Variants in LAS1L observed in about 807,000 individuals in gnomAD.
LAS1L encodes LAS1 like ribosome biogenesis factor.
Under a neutral mutation model 57.3 loss-of-function variants are expected in LAS1L, and 5 were observed. The ratio of observed to expected loss-of-function variants is 0.09; its 90% CI spans 0.05 to 0.18. The LOEUF (loss-of-function observed/expected upper bound fraction) is 0.18, where lower values mean the gene tolerates loss of function less well. Ranked by LOEUF, LAS1L falls within the 10% of genes least tolerant of loss-of-function variation. The probability of loss-of-function intolerance (pLI) is 1.00; values close to 1 mark genes in which losing one functional copy is unlikely to be tolerated. For synonymous variants in LAS1L, 245 were observed against 231.7 expected (o/e 1.06, Z -0.52); for missense variants, 360 against 568.3 (o/e 0.63, Z 3.73).
intron 11 of LAS1L, 78 bp downstream of exon 11, chrX:65,523,482 C>G: frequency 9.9e-7 from 1 of 1,014,495 alleles, no homozygotes; most frequent in Non-Finnish European, 1.3e-6. Flanking sequence ...GCCCTTCTAA[C>G]TCAGTCATTC....
chrX:65,533,803 T>C (rs2069630728), intron 1 of LAS1L, 68 bp from the exon 2 acceptor site: 1 of 1,120,189 alleles, frequency 8.9e-7, no homozygotes, highest in Admixed American at 2.3e-5. Context: ...CCTCAGAACC[T>C]AGGTTGTTGC....
intron 2 of LAS1L, among the ~76,000 whole-genome samples, chrX:65,532,955 T>TG (rs1304292389): frequency 8.9e-6 from 1 of 112,115 alleles, no homozygotes; most frequent in Non-Finnish European, 1.9e-5. Context: ...CATCAGATAA[T>TG]GGGGAGCACA....
chrX:65,515,090 G>T, intron 12 of LAS1L, 117 bp from the exon 13 acceptor site: 1 of 663,771 alleles, frequency 1.5e-6, no homozygotes, highest in Non-Finnish European at 2.2e-6. Flanking sequence ...GGCTCTCTCA[G>T]GATCTCCAGC....
intron 12 of LAS1L, 89 bp from the exon 13 acceptor site, chrX:65,515,062 C>T (rs1569432287): frequency 1.1e-5 from 10 of 929,127 alleles, no homozygotes; most frequent in Non-Finnish European, 1.3e-5. Flanking sequence ...CATCCACCCA[C>T]CCCACTTAGC....
rs1370279567 is a variant in LAS1L, at chrX:65,529,698, T to C, written c.695A>G (p.Asp232Gly). 3 of 1,210,018 alleles carry C rather than the reference T, an allele frequency of 2.5e-6. No individual in the cohort carries two copies. Among genetic ancestry groups the C allele is most frequent in the Non-Finnish European group, 3.4e-6 (3 of 895,161 alleles). The change falls in exon 5 of 14, where the codon GAT becomes GGT. Residue 232 changes from aspartate (D) to glycine (G), a missense_variant. Transcript: ENST00000374811. Reference protein sequence around the residue: ...ITEQKPEPQDDGKSTESDVKA... With the variant: ...ITEQKPEPQDGGKSTESDVKA... ...TACATCTGACTCCGTACTTTTCCCA[T>C]CATCCTGAGGCTCTGGTTTCTGTTC...
At position 65,529,664 on chromosome X, in the gene LAS1L, A is replaced by G. The variant is rs1488489080; in HGVS notation, c.729T>C (p.Asp243=). 1.7e-6 allele frequency: 2 copies of G among 1,211,528 alleles called. No individual in the cohort carries two copies. The highest frequency in any genetic ancestry group is 3.0e-5 in the East Asian group (1 of 33,839). ...CCTCTTCGCTGCCTTTGCTGTCTCC[A>G]TCGGCCTTTACATCTGACTCCGTAC... ...GKSTESDVKA[D]GDSKGSEEVD... is the part of the protein sequence containing the mutation. The change falls in exon 5 of 14, where the codon GAT becomes GAC. Residue 243 remains aspartate, a synonymous_variant. Coordinates refer to ENST00000374811, the MANE Select transcript of LAS1L (RefSeq NM_031206.7).
At chrX:65,524,650 A>G in intron 8 of LAS1L, 36 bp from the exon 9 acceptor site, 3 of 522,175 alleles carry the variant, frequency 5.7e-6, no homozygotes, top group Non-Finnish European at 3.5e-6. Context: ...ATGACCTCAC[A>G]AGGCCCCTCC....
rs767307249 is a variant in LAS1L, at chrX:65,517,979, G to A, written c.1927+8C>T. 8.5e-7 allele frequency: 1 copy of A among 1,183,429 alleles called. No homozygotes were observed. The highest frequency in any genetic ancestry group is 2.5e-5 in the Admixed American group (1 of 40,300). On this transcript the variant is annotated splice_region_variant and intron_variant, in intron 12 of 13. Coordinates refer to ENST00000374811, the MANE Select transcript of LAS1L (RefSeq NM_031206.7). ...AAGAAGTCCATGTGGGGACAAAGTA[G>A]TTCTTACCTGAGCTAACCTGCCATG...
intron 10 of LAS1L, 102 bp from the exon 11 acceptor site, chrX:65,523,809 T>G: frequency 1.1e-6 from 1 of 913,144 alleles, no homozygotes; most frequent in African/African-American, 2.0e-5. Context: ...CCCCCCAGAC[T>G]CCCCACCTAT....
intron 6 of LAS1L, among the ~76,000 whole-genome samples, chrX:65,528,663 A>T (rs2069305520): frequency 8.8e-6 from 1 of 113,129 alleles, no homozygotes; most frequent in Non-Finnish European, 1.9e-5. Flanking sequence ...CTCTTAGGCC[A>T]AAGGGCCAGA....
intron 7 of LAS1L, among the ~76,000 whole-genome samples, chrX:65,525,380 C>A (rs759157905): frequency 2.7e-5 from 3 of 111,877 alleles, no homozygotes; most frequent in South Asian, 7.5e-4. Context: ...GTTCCACATC[C>A]ACAGAAGGAA....
At chrX:65,528,494 G>T (rs747714728) in intron 6 of LAS1L, 125 bp from the exon 7 acceptor site, 17 of 420,200 alleles carry the variant, frequency 4.0e-5, no homozygotes, top group East Asian at 7.8e-5. Context: ...GGGCATGCAG[G>T]GGGGGGCCCA....
At chrX:65,523,734 G>C (rs1323419404) in intron 10 of LAS1L, 27 bp from the exon 11 acceptor site, 42 of 1,151,724 alleles carry the variant, frequency 3.6e-5, no homozygotes, top group Non-Finnish European at 4.7e-5. Context: ...GATCTAAGGA[G>C]AAGGAAGCAG....
chrX:65,525,172 A>T, intron 7 of LAS1L, 122 bp from the exon 8 acceptor site: 16 of 482,787 alleles, frequency 3.3e-5, no homozygotes, highest in East Asian at 4.2e-5. Flanking sequence ...CATAGGGAGG[A>T]GGGGTGGTGG....
At chrX:65,530,329 C>T (rs1037634825) in intron 4 of LAS1L, among the ~76,000 whole-genome samples, 1 of 111,982 alleles carries the variant, frequency 8.9e-6, no homozygotes, top group African/African-American at 3.2e-5. Context: ...GCAACCTCCC[C>T]ACCTCAACTA....
chrX:65,521,122 A>T, intron 11 of LAS1L: 1 of 754,078 alleles, frequency 1.3e-6, no homozygotes, highest in African/African-American at 2.3e-5. Context: ...TTGTCTACAA[A>T]GCCACTTTTA....
chrX:65,525,060 G>A lies in LAS1L; in HGVS notation c.957-10C>T. 8.4e-7 allele frequency: 1 copy of A among 1,189,420 alleles called. No homozygotes were observed. Among genetic ancestry groups the A allele is most frequent in the Non-Finnish European group, 1.1e-6 (1 of 877,180 alleles). ...ATCCAGCACAGCCTCCCTGGAACAA[G>A]AGGACACTAGTTTAGCAAAGTGATG... is the stretch of plus-strand genomic sequence containing the variant. On this transcript the variant is annotated splice_polypyrimidine_tract_variant and intron_variant, in intron 7 of 13. Transcript: ENST00000374811.
chrX:65,520,540 C>A (rs1418159254), intron 11 of LAS1L: 1 of 752,021 alleles, frequency 1.3e-6, no homozygotes, highest in Non-Finnish European at 1.6e-6. Flanking sequence ...TACAGAAGAG[C>A]ATGGGACTAA....
chrX:65,532,915 A>C (rs1410337600), intron 2 of LAS1L, among the ~76,000 whole-genome samples: 1 of 112,351 alleles, frequency 8.9e-6, no homozygotes, highest in Admixed American at 9.5e-5. Context: ...AGGCTAGAAC[A>C]TAATATGTTA....
Sources: gnomAD v4.1 joint callset for allele counts (sites outside exome capture counted in the v4.1 genomes callset) on GRCh38, gnomAD v4.1.1 for gene constraint, MANE v1.5 for transcripts, NCBI Gene and HGNC (gene_info 2026-07-23, HGNC 2026-07-21) for gene names.